Variants in OR51G2 observed in about 807,000 individuals in gnomAD.
OR51G2 encodes olfactory receptor 51G2.
Under a neutral mutation model 11.8 loss-of-function variants are expected in OR51G2, and 13 were observed. The observed-to-expected ratio is 1.10, with a 90% CI of 0.72 to 1.76. OR51G2 has a LOEUF of 1.76. Ranked by LOEUF, OR51G2 falls within the 40% of genes most tolerant of loss-of-function variation. The probability of loss-of-function intolerance (pLI) is 0.00; values close to 1 mark genes in which losing one functional copy is unlikely to be tolerated. For missense variants in OR51G2, 474 were observed against 394.4 expected, an observed-to-expected ratio of 1.20 and a Z score of -1.71; for synonymous variants, 178 against 151.9, an observed-to-expected ratio of 1.17 and a Z score of -1.26.
rs542995165 is a variant in OR51G2 at position 4,915,246 on chromosome 11, T to G, written c.418A>C (p.Ile140Leu). The change falls in exon 2 of 2, where the codon ATT (isoleucine) becomes CTT (leucine). Residue 140 changes from isoleucine (I) to leucine (L), a missense_variant. By Grantham distance (5) the Ile-to-Leu change is conservative (BLOSUM62 2). Coordinates refer to ENST00000641926, the MANE Select transcript of OR51G2 (RefSeq NM_001005238.2). ...CTGCCAATGACTGTGTTGGTGAGAATGGAAACATAGTGCAAGGGGTGGCAG... is the reference window on the plus strand; with the variant it reads ...CTGCCAATGACTGTGTTGGTGAGAAGGGAAACATAGTGCAAGGGGTGGCAG... Reference protein sequence around the residue: ...AICHPLHYVSILTNTVIGRIG... With the variant: ...AICHPLHYVSLLTNTVIGRIG... The G allele has an allele frequency of 9.9e-6, 16 of 1,613,518 alleles. No homozygotes were observed. The African/African-American group carries it at 1.5e-4, about 15-fold the overall frequency.
chr11:4,915,702 A>G lies in OR51G2; in HGVS notation c.-39T>C. The G allele has an allele frequency of 6.8e-7, 1 of 1,463,982 alleles. No homozygotes were observed. The highest frequency in any genetic ancestry group is 9.4e-7 in the Non-Finnish European group (1 of 1,065,342). 90.7% of individuals were successfully genotyped at this position (1,463,982 alleles called of 1,614,324 possible). ...AAGGGGGAAGGTGGGTGCCCTCCAA[A>G]ATCCTGAAGTAAATTGAGGCAGTAC... On this transcript the variant is annotated 5_prime_UTR_variant, in exon 2 of 2. Transcript: ENST00000641926.
chr11:4,915,614 A>C lies in OR51G2; in HGVS notation c.50T>G (p.Phe17Cys), dbSNP rs1851075060. ...GNSSSSVSAT[F>C]LLSGIPGLER... is the part of the protein sequence containing the mutation. ...CAGCCCAGGGATGCCACTCAGCAGG[A>C]AGGTAGCAGAAACGCTGCTGCTGCT... The change falls in exon 2 of 2, where the codon TTC (phenylalanine) becomes TGC (cysteine). Residue 17 changes from phenylalanine (F) to cysteine (C), a missense_variant. Physicochemically the swap from Phe to Cys is radical, Grantham distance 205. Coordinates refer to ENST00000641926, the MANE Select transcript of OR51G2 (RefSeq NM_001005238.2). 13 of 1,613,970 alleles carry C rather than the reference A, an allele frequency of 8.1e-6. No homozygotes were observed. The highest frequency in any genetic ancestry group is 1.0e-5 in the Non-Finnish European group (12 of 1,179,916).
At position 4,914,488 on chromosome 11, in the gene OR51G2, A is replaced by G; in HGVS notation, c.*231T>C. ...TTCCTGGAAGAGCATGTGGGTTTAG[A>G]ATTATTGCTGTGGCTATTTTTAGAA... is the stretch of plus-strand genomic sequence containing the variant. On this transcript the variant is annotated 3_prime_UTR_variant, in exon 2 of 2. Transcript: ENST00000641926. 1 of 493,390 alleles carries G rather than the reference A, an allele frequency of 2.0e-6. No homozygotes were observed. Among genetic ancestry groups the G allele is most frequent in the Non-Finnish European group, 3.6e-6 (1 of 276,940 alleles). The allele number at this position is 493,390 out of a possible 1,614,324, so 30.6% of individuals were successfully genotyped here.
At position 4,915,650 on chromosome 11, in the gene OR51G2, G is replaced by A. The variant is rs150566249; in HGVS notation, c.14C>T (p.Ser5Phe). Residue 5 changes from serine (S) to phenylalanine (F), a missense_variant, in exon 2 of 2, where the codon TCC (serine) becomes TTC (phenylalanine). Ser to Phe is a radical substitution (Grantham distance 155). Coordinates refer to ENST00000641926, the MANE Select transcript of OR51G2 (RefSeq NM_001005238.2). MTLG[S>F]LGNSSSSVSA... ...AACGCTGCTGCTGCTGTTTCCCAGG[G>A]ATCCCAGGGTCATTGTGTGAGGAGA... 1.2e-6 allele frequency: 2 copies of A among 1,612,062 alleles called. No homozygotes were observed. Among genetic ancestry groups the A allele is most frequent in the Non-Finnish European group, 8.5e-7 (1 of 1,178,864 alleles).
At position 4,912,767 on chromosome 11, in the gene OR51G2, T is replaced by C. The variant is rs1032847401; in HGVS notation, c.*1952A>G. 16 of 152,160 alleles carry C rather than the reference T, an allele frequency of 1.1e-4. No homozygotes were observed. The highest frequency in any genetic ancestry group is 3.9e-4 in the African/African-American group (16 of 41,450). 9.4% of individuals were successfully genotyped at this position (152,160 alleles called of 1,614,324 possible). A position where few individuals can be genotyped will look rare whatever the true frequency, so the allele number is the denominator to read the frequency against. On this transcript the variant is annotated 3_prime_UTR_variant, in exon 2 of 2. Coordinates refer to ENST00000641926, the MANE Select transcript of OR51G2 (RefSeq NM_001005238.2). ...GTTTCTCTTATTGTAATTTTCCTTT[T>C]CTTTAATTACATTGTTTTTTAAAAT...
chr11:4,917,152 T>TA (rs1851108451), intron 1 of OR51G2, among the ~76,000 whole-genome samples: 1 of 8,038 alleles, frequency 1.2e-4, no homozygotes, highest in African/African-American at 6.2e-4. Context: ...GCCAAGAATG[T>TA]TTTTTTGCAT....
At position 4,914,646 on chromosome 11, in the gene OR51G2, C is replaced by G; in HGVS notation, c.*73G>C. On this transcript the variant is annotated 3_prime_UTR_variant, in exon 2 of 2. Transcript: ENST00000641926. ...AAGTAAATGTCTCCTTTATTTTATG[C>G]ATGTTAGAAATTATAAAGGATAGGC... 3 of 955,206 alleles carry G rather than the reference C, an allele frequency of 3.1e-6. No individual in the cohort carries two copies. The highest frequency in any genetic ancestry group is 4.7e-6 in the Non-Finnish European group (3 of 632,644). 59.2% of individuals were successfully genotyped at this position (955,206 alleles called of 1,614,324 possible).
At position 4,913,656 on chromosome 11, in the gene OR51G2, C is replaced by T. The variant is rs1012230064; in HGVS notation, c.*1063G>A. On this transcript the variant is annotated 3_prime_UTR_variant, in exon 2 of 2. Transcript: ENST00000641926. ...TCTCTTTCTGATACAGTCAGTACCT[C>T]AATCTGTTTCCACTTCACCTCATTT... is the stretch of plus-strand genomic sequence containing the variant. The T allele has an allele frequency of 3.3e-5, 5 of 152,224 alleles. No individual in the cohort carries two copies. The highest frequency in any genetic ancestry group is 2.0e-4 in the Admixed American group (3 of 15,282). The allele number at this position is 152,224 out of a possible 1,614,324, so 9.4% of individuals were successfully genotyped here. A position where few individuals can be genotyped will look rare whatever the true frequency, so the allele number is the denominator to read the frequency against.
chr11:4,915,301 C>G lies in OR51G2; in HGVS notation c.363G>C (p.Leu121=). The G allele has an allele frequency of 6.2e-7, 1 of 1,613,936 alleles. No individual in the cohort carries two copies. The highest frequency in any genetic ancestry group is 8.5e-7 in the Non-Finnish European group (1 of 1,179,998). The change falls in exon 2 of 2, where the codon CTG becomes CTC. Residue 121 remains leucine, a synonymous_variant. Transcript: ENST00000641926. ...CCACAAAGCGGTCAAAGGCCATAGA[C>G]AGTAGCACAGAGGACTCGAGGAAGG... is the stretch of plus-strand genomic sequence containing the variant. ...CFSFLESSVL[L]SMAFDRFVAI...
chr11:4,916,726 G>C (rs1337937006), intron 1 of OR51G2, among the ~76,000 whole-genome samples: 2 of 152,160 alleles, frequency 1.3e-5, no homozygotes, highest in Admixed American at 1.3e-4. Flanking sequence ...GACCTGTGAA[G>C]CTATTTCTGA....
rs1851034564 is a variant in OR51G2 at position 4,914,057 on chromosome 11, T to C, written c.*662A>G. 1 of 152,238 alleles carries C rather than the reference T, an allele frequency of 6.6e-6. No individual in the cohort carries two copies. Among genetic ancestry groups the C allele is most frequent in the South Asian group, 2.1e-4 (1 of 4,830 alleles). 9.4% of individuals were successfully genotyped at this position (152,238 alleles called of 1,614,324 possible). A position where few individuals can be genotyped will look rare whatever the true frequency, so the allele number is the denominator to read the frequency against. ...TATTTTGTTTACAAAACTGAAATTT[T>C]GGCTGAGTCAGAGAACAATTGATTG... On this transcript the variant is annotated 3_prime_UTR_variant, in exon 2 of 2. Coordinates refer to ENST00000641926, the MANE Select transcript of OR51G2 (RefSeq NM_001005238.2).
chr11:4,914,748 C>G lies in OR51G2; in HGVS notation c.916G>C (p.Asp306His), dbSNP rs781452755. ...VYSVKTKQIR[D>H]RVTHAFCY The stretch of plus-strand genomic sequence containing the variant: ...TAACAAAAGGCATGCGTCACTCGAT[C>G]CCGGATCTGTTTGGTCTTCACACTG... The change falls in exon 2 of 2, where the codon GAT (aspartate) becomes CAT (histidine). Residue 306 changes from aspartate (D) to histidine (H), a missense_variant. Coordinates refer to ENST00000641926, the MANE Select transcript of OR51G2 (RefSeq NM_001005238.2). 6 of 1,613,290 alleles carry G rather than the reference C, an allele frequency of 3.7e-6. No individual in the cohort carries two copies. Among genetic ancestry groups the G allele is most frequent in the East Asian group, 4.5e-5 (2 of 44,788 alleles).
rs997869383 is a variant in OR51G2, at chr11:4,913,551, T to C, written c.*1168A>G. 6.6e-6 allele frequency: 1 copy of C among 152,186 alleles called. No homozygotes were observed. Among genetic ancestry groups the C allele is most frequent in the Non-Finnish European group, 1.5e-5 (1 of 68,038 alleles). The allele number at this position is 152,186 out of a possible 1,614,324, so 9.4% of individuals were successfully genotyped here. A position where few individuals can be genotyped will look rare whatever the true frequency, so the allele number is the denominator to read the frequency against. On this transcript the variant is annotated 3_prime_UTR_variant, in exon 2 of 2. Coordinates refer to ENST00000641926, the MANE Select transcript of OR51G2 (RefSeq NM_001005238.2). ...TGTATTACTCAAAATATAACTTTTA[T>C]CTAGAATGTCTTGGGGGTACAATAA...
intron 1 of OR51G2, among the ~76,000 whole-genome samples, chr11:4,916,899 C>T (rs1851102308): frequency 6.6e-6 from 1 of 152,140 alleles, no homozygotes; most frequent in Non-Finnish European, 1.5e-5. Flanking sequence ...CCAGGAGAGC[C>T]CACTGAACAC....
At chr11:4,917,393 TC>T (rs1486487607) in intron 1 of OR51G2, among the ~76,000 whole-genome samples, 1 of 152,232 alleles carries the variant, frequency 6.6e-6, no homozygotes, top group African/African-American at 2.4e-5. Context: ...GATTACTCTT[TC>T]TTGCCATATA....
In OR51G2 at chr11:4,914,730, A is replaced by T. The variant is rs1450308752; in HGVS notation, c.934T>A (p.Phe312Ile). 6.2e-7 allele frequency: 1 copy of T among 1,608,444 alleles called. No individual in the cohort carries two copies. Among genetic ancestry groups the T allele is most frequent in the African/African-American group, 1.3e-5 (1 of 74,780 alleles). ...AACACTAGACACAGTTAGTAACAAA[A>T]GGCATGCGTCACTCGATCCCGGATC... ...KQIRDRVTHAFCY is the reference protein window; with the variant it reads ...KQIRDRVTHAICY The change falls in exon 2 of 2, where the codon TTT (phenylalanine) becomes ATT (isoleucine). Residue 312 changes from phenylalanine (F) to isoleucine (I), a missense_variant. By Grantham distance (21) the Phe-to-Ile change is conservative. Coordinates refer to ENST00000641926, the MANE Select transcript of OR51G2 (RefSeq NM_001005238.2).
rs370390274 is a variant in OR51G2 at position 4,913,103 on chromosome 11, G to T, written c.*1616C>A. On this transcript the variant is annotated 3_prime_UTR_variant, in exon 2 of 2. Coordinates refer to ENST00000641926, the MANE Select transcript of OR51G2 (RefSeq NM_001005238.2). ...TTCAGAGCAATGACCCCATTCCTTC[G>T]GGGTCTGTGTTACTCAAATGGTCAT... 6.6e-6 allele frequency: 1 copy of T among 152,066 alleles called. No individual in the cohort carries two copies. Among genetic ancestry groups the T allele is most frequent in the Non-Finnish European group, 1.5e-5 (1 of 68,010 alleles). The allele number at this position is 152,066 out of a possible 1,614,324, so 9.4% of individuals were successfully genotyped here. A position where few individuals can be genotyped will look rare whatever the true frequency, so the allele number is the denominator to read the frequency against.
Position 4,913,690 on chromosome 11 carries a change from C to G in OR51G2, c.*1029G>C, listed in dbSNP as rs970814906. 6.6e-6 allele frequency: 1 copy of G among 152,172 alleles called. No individual in the cohort carries two copies. The highest frequency in any genetic ancestry group is 1.5e-5 in the Non-Finnish European group (1 of 68,034). The allele number at this position is 152,172 out of a possible 1,614,324, so 9.4% of individuals were successfully genotyped here. ...TCCACTTCACCTCATTTTTCTTAAA[C>G]CTTCCTGACATTCTAGAGAATAAAA... On this transcript the variant is annotated 3_prime_UTR_variant, in exon 2 of 2. Transcript: ENST00000641926.
chr11:4,914,716 CAGTT>C lies in OR51G2; in HGVS notation c.944_*2del, dbSNP rs755298876. ...GAGACAGTGGCTCTAACACTAGACA[CAGTT>C]AGTAACAAAAGGCATGCGTCACTCG... On this transcript the variant is annotated stop_lost and 3_prime_UTR_variant, in exon 2 of 2. Coordinates refer to ENST00000641926, the MANE Select transcript of OR51G2 (RefSeq NM_001005238.2). 13 of 1,599,876 alleles carry C rather than the reference CAGTT, an allele frequency of 8.1e-6. No homozygotes were observed. The East Asian group carries it at 1.1e-4, about 14-fold the overall frequency.
Sources: allele counts gnomAD v4.1 joint callset (sites outside exome capture counted in the v4.1 genomes callset), GRCh38; gene constraint gnomAD v4.1.1; transcripts MANE v1.5; gene names NCBI Gene and HGNC (gene_info 2026-07-23, HGNC 2026-07-21).